The following CCDC171 variants were observed in gnomAD, a reference collection of about 807,000 sequenced individuals.
CCDC171 encodes coiled-coil domain containing 171.
Under a neutral mutation model 168.2 loss-of-function variants are expected in CCDC171, and 177 were observed. The ratio of observed to expected loss-of-function variants is 1.05; its 90% CI spans 0.93 to 1.19. CCDC171 has a LOEUF of 1.19. CCDC171 is among the 50% of genes most tolerant of loss of function. CCDC171 has a pLI of 0.00. For synonymous variants in CCDC171, 687 were observed against 540.8 expected, an observed-to-expected ratio of 1.27 and a Z score of -3.75; for missense variants, 1,991 against 1,539.0, an observed-to-expected ratio of 1.29 and a Z score of -4.91.
intron 18 of CCDC171, among the ~76,000 whole-genome samples, chr9:15,762,293 A>G (rs906435067): frequency 5.5e-4 from 84 of 152,062 alleles, no homozygotes; most frequent in African/African-American, 2.0e-3. Context: ...TTACAGATAT[A>G]TTTAGAAAAA....
At chr9:15,742,385 T>C (rs1193582169) in intron 16 of CCDC171, among the ~76,000 whole-genome samples, 1 of 152,228 alleles carries the variant, frequency 6.6e-6, no homozygotes, top group African/African-American at 2.4e-5. Context: ...CTTCAGGTAT[T>C]CTGAATTATT....
intron 25 of CCDC171, among the ~76,000 whole-genome samples, chr9:15,955,736 A>G (rs1052691117): frequency 1.3e-5 from 2 of 152,174 alleles, no homozygotes; most frequent in Admixed American, 6.6e-5. Flanking sequence ...CTACTCTGCC[A>G]TCTTTCCAGA....
downstream of CCDC171, among the ~76,000 whole-genome samples, chr9:16,062,458 A>G (rs886313022): frequency 2.6e-5 from 4 of 152,192 alleles, no homozygotes; most frequent in Admixed American, 2.0e-4. Flanking sequence ...TACTAAGTTT[A>G]TTACCTGGGT....
intron 3 of CCDC171, among the ~76,000 whole-genome samples, chr9:16,004,526 G>A (rs750838093): frequency 2.6e-5 from 4 of 152,148 alleles, no homozygotes; most frequent in Non-Finnish European, 4.4e-5. Flanking sequence ...TTGATTTTGT[G>A]CTGCTTGGTT....
chr9:15,661,213 G>T (rs1247534762), intron 8 of CCDC171, among the ~76,000 whole-genome samples: 1 of 151,496 alleles, frequency 6.6e-6, no homozygotes, highest in Non-Finnish European at 1.5e-5. Flanking sequence ...CAAGGAGGTG[G>T]AGGCTGCAGT....
At chr9:15,876,096 T>A (rs747955216) in intron 24 of CCDC171, 8 of 152,054 alleles carry the variant, frequency 5.3e-5, no homozygotes, top group Non-Finnish European at 8.8e-5. Context: ...ATGTTGGTGA[T>A]TTCGAAAGAG....
intron 21 of CCDC171, among the ~76,000 whole-genome samples, chr9:15,797,556 A>C (rs1263934085): frequency 6.6e-6 from 1 of 152,090 alleles, no homozygotes; most frequent in Non-Finnish European, 1.5e-5. Context: ...TGTCTTATTC[A>C]TTGTAAAAAT....
At chr9:16,107,031 G>A in the CCDC171 span, among the ~76,000 whole-genome samples, 4 of 152,182 alleles carry the variant, frequency 2.6e-5, no homozygotes, top group Non-Finnish European at 1.5e-5. Context: ...AATAATTTCA[G>A]ACTTATAGAA....
chr9:15,933,898 A>C (rs1432873720), intron 25 of CCDC171, among the ~76,000 whole-genome samples: 1 of 152,056 alleles, frequency 6.6e-6, no homozygotes, highest in East Asian at 1.9e-4. Flanking sequence ...ATGACACCAA[A>C]AGGATAAGTG....
At chr9:15,644,771 C>A (rs1290000898) in intron 7 of CCDC171, among the ~76,000 whole-genome samples, 1 of 152,222 alleles carries the variant, frequency 6.6e-6, no homozygotes, top group African/African-American at 2.4e-5. Context: ...GAGCCCACCG[C>A]AGCCCAAGGA....
chr9:15,692,676 C>T (rs569097905), intron 10 of CCDC171, among the ~76,000 whole-genome samples: 6 of 151,424 alleles, frequency 4.0e-5, no homozygotes, highest in Admixed American at 1.3e-4. Context: ...TACAGGCGCC[C>T]GCCACCATGC....
At position 15,777,843 on chromosome 9, in the gene CCDC171, A is replaced by T. The variant is rs1222749281; in HGVS notation, c.2898+17A>T. The T allele has an allele frequency of 2.0e-6, 3 of 1,507,840 alleles. No homozygotes were observed. The highest frequency in any genetic ancestry group is 1.4e-5 in the African/African-American group (1 of 71,448). The allele number at this position is 1,507,840 out of a possible 1,614,324, so 93.4% of individuals were successfully genotyped here. ...CCCATTACGGTATGTATACACTTTCATTTAGTAGTAACCTAAGAACTTGTA... is the reference window on the plus strand; with the variant it reads ...CCCATTACGGTATGTATACACTTTCTTTTAGTAGTAACCTAAGAACTTGTA... On this transcript the variant is annotated intron_variant, in intron 19 of 25. Transcript: ENST00000380701.
intron 24 of CCDC171, among the ~76,000 whole-genome samples, chr9:15,896,507 C>G (rs1375352149): frequency 1.3e-5 from 2 of 152,052 alleles, no homozygotes. Flanking sequence ...AACTTAGATT[C>G]TCTTTTTCTT....
At chr9:15,988,986 G>T (rs188493882) in intron 3 of CCDC171, among the ~76,000 whole-genome samples, 4 of 152,314 alleles carry the variant, frequency 2.6e-5, no homozygotes, top group African/African-American at 4.8e-5. Flanking sequence ...TGCCTCTGTA[G>T]ACTCCACCTC....
chr9:15,743,504 T>C (rs2055042080), intron 16 of CCDC171, among the ~76,000 whole-genome samples: 1 of 152,128 alleles, frequency 6.6e-6, no homozygotes, highest in East Asian at 1.9e-4. Flanking sequence ...CAAGATTCCT[T>C]ACTGATTAGG....
chr9:15,631,517 G>C (rs1203179837), intron 7 of CCDC171, among the ~76,000 whole-genome samples: 1 of 152,178 alleles, frequency 6.6e-6, no homozygotes, highest in East Asian at 1.9e-4. Flanking sequence ...CTCTGAAATT[G>C]TGGCAATAGT....
chr9:16,076,457 G>A, the CCDC171 span, among the ~76,000 whole-genome samples: 1 of 152,280 alleles, frequency 6.6e-6, no homozygotes, highest in South Asian at 2.1e-4. Context: ...GGAGGGAGCC[G>A]GAAGCCCAGG....
chr9:15,993,302 C>T (rs528042459), intron 3 of CCDC171, among the ~76,000 whole-genome samples: 1 of 152,250 alleles, frequency 6.6e-6, no homozygotes, highest in Non-Finnish European at 1.5e-5. Flanking sequence ...ACATCTACAA[C>T]CAGCTGATCT....
chr9:15,748,627 A>G (rs961434781), intron 18 of CCDC171, among the ~76,000 whole-genome samples: 5 of 152,354 alleles, frequency 3.3e-5, no homozygotes, highest in Middle Eastern at 6.8e-3. Flanking sequence ...CGGATCTCTT[A>G]GCAGAAACCC....
Sources: allele counts gnomAD v4.1 joint callset (sites outside exome capture counted in the v4.1 genomes callset), GRCh38; gene constraint gnomAD v4.1.1; transcripts MANE v1.5; gene names NCBI Gene and HGNC (gene_info 2026-07-23, HGNC 2026-07-21).